FRMD4A: variants seen among roughly 807,000 people sequenced by gnomAD.
FRMD4A encodes FERM domain containing 4A.
Under a neutral mutation model 129.1 loss-of-function variants are expected in FRMD4A, and 29 were observed. That is an observed-to-expected ratio of 0.22 (90% CI 0.17 to 0.31). The LOEUF (loss-of-function observed/expected upper bound fraction) is 0.31. Among genes scored for constraint, FRMD4A ranks in the 10% least tolerant of loss-of-function variants. The probability of loss-of-function intolerance (pLI) is 1.00; values close to 1 mark genes in which losing one functional copy is unlikely to be tolerated. For synonymous variants in FRMD4A, 634 were observed against 571.6 expected (o/e 1.11, Z -1.56); for missense variants, 1,272 against 1,375.8 (o/e 0.92, Z 1.19).
At chr10:13,698,335 G>A (rs1374598598) in intron 14 of FRMD4A, among the ~76,000 whole-genome samples, 1 of 152,180 alleles carries the variant, frequency 6.6e-6, no homozygotes, top group African/African-American at 2.4e-5. Flanking sequence ...TCCCAGTACA[G>A]TAGAGTGTGA....
chr10:13,708,331 C>G (rs891024149), intron 12 of FRMD4A, among the ~76,000 whole-genome samples: 1 of 152,188 alleles, frequency 6.6e-6, no homozygotes, highest in African/African-American at 2.4e-5. Context: ...AGGCTGGGGA[C>G]ACTGCTAGTC....
chr10:14,215,901 G>T (rs1324992199), intron 2 of FRMD4A, among the ~76,000 whole-genome samples: 2 of 152,054 alleles, frequency 1.3e-5, no homozygotes, highest in Admixed American at 6.6e-5. Context: ...CCTGCATGTC[G>T]AAGGGGAAAT....
intron 2 of FRMD4A, among the ~76,000 whole-genome samples, chr10:14,163,819 C>T (rs940300837): frequency 7.9e-5 from 12 of 152,218 alleles, no homozygotes; most frequent in Non-Finnish European, 1.0e-4. Context: ...CATCTCACTC[C>T]TCTTGCTTCC....
Position 13,666,212 on chromosome 10 carries a change from C to T in FRMD4A, c.1488G>A (p.Arg496=). 6.2e-7 allele frequency: 1 copy of T among 1,613,776 alleles called. No homozygotes were observed. Among genetic ancestry groups the T allele is most frequent in the Non-Finnish European group, 8.5e-7 (1 of 1,179,674 alleles). ...PNVSKKLKKQ[R]KTSYLNALKK... Reference sequence around the variant, plus strand: ...TCAGTGCATTCAGATACGAGGTTTTCCTTTGTTTCTTCAGTTTTTTGCTGA... The same window carrying T: ...TCAGTGCATTCAGATACGAGGTTTTTCTTTGTTTCTTCAGTTTTTTGCTGA... Residue 496 remains arginine, a synonymous_variant, in exon 18 of 25, where the codon AGG becomes AGA. Coordinates refer to ENST00000357447, the MANE Select transcript of FRMD4A (RefSeq NM_018027.5).
intron 2 of FRMD4A, among the ~76,000 whole-genome samples, chr10:14,251,804 C>G (rs1238590822): frequency 6.6e-6 from 1 of 152,114 alleles, no homozygotes; most frequent in Non-Finnish European, 1.5e-5. Flanking sequence ...ACCTCCCTGT[C>G]CCTTCATTTT....
At chr10:14,123,906 T>C (rs1175001493) in intron 2 of FRMD4A, among the ~76,000 whole-genome samples, 3 of 152,232 alleles carry the variant, frequency 2.0e-5, no homozygotes, top group Non-Finnish European at 2.9e-5. Context: ...CCTTTCATAC[T>C]GAGATTGGCC....
intron 3 of FRMD4A, among the ~76,000 whole-genome samples, chr10:13,837,702 CAAG>C (rs1246934868): frequency 6.6e-6 from 1 of 152,212 alleles, no homozygotes; most frequent in African/African-American, 2.4e-5. Context: ...TTGCATTCAA[CAAG>C]AAGATGTGAA....
intron 6 of FRMD4A, among the ~76,000 whole-genome samples, chr10:13,769,012 C>T (rs1184430614): frequency 1.5e-4 from 16 of 109,046 alleles, no homozygotes; most frequent in Non-Finnish European, 1.6e-4. Context: ...TTTTTTGAGA[C>T]GGGAGTCTTG....
intron 6 of FRMD4A, among the ~76,000 whole-genome samples, chr10:13,776,826 T>C (rs951582969): frequency 6.6e-6 from 1 of 152,128 alleles, no homozygotes; most frequent in Admixed American, 6.5e-5. Context: ...GTTATCTGGG[T>C]CTAACACTAC....
At chr10:14,013,715 T>G (rs1393619017) in intron 2 of FRMD4A, among the ~76,000 whole-genome samples, 1 of 152,098 alleles carries the variant, frequency 6.6e-6, no homozygotes, top group Middle Eastern at 3.2e-3. Flanking sequence ...GTGGATCCCC[T>G]GAGGTCGGGA....
intron 2 of FRMD4A, among the ~76,000 whole-genome samples, chr10:13,984,035 A>G (rs1050471818): frequency 6.6e-6 from 1 of 150,496 alleles, no homozygotes; most frequent in African/African-American, 2.4e-5. Flanking sequence ...ACGGCTCCTC[A>G]CTCAGCTGGA....
intron 2 of FRMD4A, among the ~76,000 whole-genome samples, chr10:14,305,495 C>T (rs926851358): frequency 2.0e-5 from 3 of 151,944 alleles, no homozygotes; most frequent in African/African-American, 7.3e-5. Context: ...AGGAAACATC[C>T]CTGAAGAGTT....
intron 2 of FRMD4A, among the ~76,000 whole-genome samples, chr10:14,206,809 C>CAAAAAAAAAAAAAAAAAAAAAA (rs57029013): frequency 7.0e-5 from 3 of 43,052 alleles, no homozygotes; most frequent in Non-Finnish European, 1.1e-4. Flanking sequence ...GACGCTATCT[C>CAAAAAAAAAAAAAAAAAAAAAA]AAAAAAAAAA....
chr10:13,741,656 T>A (rs990095569), intron 9 of FRMD4A, among the ~76,000 whole-genome samples: 23 of 152,252 alleles, frequency 1.5e-4, no homozygotes, highest in African/African-American at 5.5e-4. Flanking sequence ...GGCATTGACC[T>A]TAACCAAGTG....
intron 24 of FRMD4A, chr10:13,649,194 T>G (rs2081347531): frequency 6.6e-6 from 1 of 152,240 alleles, no homozygotes; most frequent in Non-Finnish European, 1.5e-5. Context: ...GTCATAATTG[T>G]GACAACATAA....
At chr10:13,697,696 T>C (rs532965036) in intron 14 of FRMD4A, among the ~76,000 whole-genome samples, 2 of 152,162 alleles carry the variant, frequency 1.3e-5, no homozygotes, top group African/African-American at 4.8e-5. Flanking sequence ...GACTCTGCCT[T>C]TGACTCTAAA....
intron 2 of FRMD4A, among the ~76,000 whole-genome samples, chr10:14,206,216 C>G (rs12257695): frequency 0.011 from 1,644 of 152,290 alleles, 30 homozygotes; most frequent in African/African-American, 0.038. Flanking sequence ...ACACAAGGCT[C>G]TCATAACCCT....
intron 2 of FRMD4A, among the ~76,000 whole-genome samples, chr10:14,133,078 A>G (rs1467869161): frequency 6.6e-6 from 1 of 152,218 alleles, no homozygotes; most frequent in Non-Finnish European, 1.5e-5. Flanking sequence ...AACTTCAGGA[A>G]TATTTGATTC....
At chr10:13,761,523 T>C (rs1392825095) in intron 8 of FRMD4A, 124 bp downstream of exon 8, 2 of 703,278 alleles carry the variant, frequency 2.8e-6, no homozygotes, top group Non-Finnish European at 5.0e-6. Context: ...GAGAGTTAGA[T>C]CTCATCATTA....
Sources: gnomAD v4.1 joint callset for allele counts (sites outside exome capture counted in the v4.1 genomes callset) on GRCh38, gnomAD v4.1.1 for gene constraint, MANE v1.5 for transcripts, NCBI Gene and HGNC (gene_info 2026-07-23, HGNC 2026-07-21) for gene names.